Variants in ELP4 observed in about 807,000 individuals in gnomAD.
ELP4 encodes the protein elongator acetyltransferase complex subunit 4, also known as elongator complex protein 4.
A neutral mutation model predicts 48.9 loss-of-function variants in ELP4; 51 were observed. That is an observed-to-expected ratio of 1.04 (90% CI 0.83 to 1.32). The LOEUF (loss-of-function observed/expected upper bound fraction) is 1.32, where lower values mean the gene tolerates loss of function less well. Ranked by LOEUF, ELP4 falls within the 40% of genes most tolerant of loss-of-function variation. The pLI is 0.00. For missense variants in ELP4, 519 were observed against 514.6 expected (o/e 1.01, Z -0.08); for synonymous variants, 210 against 189.2 (o/e 1.11, Z -0.90).
chr11:31,700,599 A>G (rs1306037681), intron 9 of ELP4, among the ~76,000 whole-genome samples: 2 of 152,136 alleles, frequency 1.3e-5, no homozygotes, highest in Non-Finnish European at 2.9e-5. Context: ...AGGAAGTAAC[A>G]GAACCAAGAT....
At chr11:31,716,302 C>T (rs1429709516) in intron 9 of ELP4, among the ~76,000 whole-genome samples, 6 of 152,110 alleles carry the variant, frequency 3.9e-5, no homozygotes, top group East Asian at 1.9e-4. Context: ...CACAAGCCAC[C>T]GTGCTCTGCC....
At chr11:31,719,606 A>C in intron 9 of ELP4, 1 of 397,188 alleles carries the variant, frequency 2.5e-6, no homozygotes, top group Admixed American at 4.4e-5. Context: ...CAGAAGAAAA[A>C]AATGTTCTAT....
At chr11:31,701,670 C>A (rs1946525139) in intron 9 of ELP4, among the ~76,000 whole-genome samples, 1 of 150,104 alleles carries the variant, frequency 6.7e-6, no homozygotes, top group African/African-American at 2.4e-5. Flanking sequence ...TTAACTTAAG[C>A]CCTATATATA....
chr11:31,763,497 G>A, intron 9 of ELP4: 3 of 1,611,130 alleles, frequency 1.9e-6, no homozygotes, highest in Non-Finnish European at 2.5e-6. Flanking sequence ...ACTCTGCATG[G>A]GGAGAAGGTT....
chr11:31,638,247 T>C (rs905483199), intron 7 of ELP4, among the ~76,000 whole-genome samples: 8 of 151,898 alleles, frequency 5.3e-5, no homozygotes, highest in African/African-American at 1.9e-4. Flanking sequence ...GTCAGTATGT[T>C]TTTTTCATTG....
chr11:31,678,288 A>C (rs951482205), intron 9 of ELP4, among the ~76,000 whole-genome samples: 37 of 152,080 alleles, frequency 2.4e-4, no homozygotes, highest in South Asian at 2.1e-4. Flanking sequence ...TCTCTGCAAA[A>C]AATTTTAAAA....
intron 9 of ELP4, chr11:31,662,445 ATGT>A (rs971356502): frequency 2.2e-4 from 86 of 390,644 alleles, no homozygotes; most frequent in Non-Finnish European, 2.7e-4. Context: ...ATCCAGCTCC[ATGT>A]TGTTGTTGTT....
chr11:31,591,422 A>AG (rs35637930), intron 3 of ELP4, among the ~76,000 whole-genome samples: 12 of 76,558 alleles, frequency 1.6e-4, no homozygotes, highest in African/African-American at 7.1e-4. Context: ...AAAAAAAAAA[A>AG]GGGGGGGGGG....
intron 7 of ELP4, among the ~76,000 whole-genome samples, chr11:31,639,639 T>C (rs1017394432): frequency 2.0e-5 from 3 of 151,880 alleles, no homozygotes; most frequent in Non-Finnish European, 4.4e-5. Context: ...CATAGTAGTA[T>C]ATGTATAACT....
intron 9 of ELP4, chr11:31,707,102 T>C (rs1946649957): frequency 2.5e-6 from 1 of 397,638 alleles, no homozygotes; most frequent in African/African-American, 2.1e-5. Flanking sequence ...TTCCCAGTAG[T>C]GGGATTGCTG....
chr11:31,668,705 T>TGTGG (rs1945735574), intron 9 of ELP4, among the ~76,000 whole-genome samples: 1 of 143,084 alleles, frequency 7.0e-6, no homozygotes, highest in African/African-American at 2.7e-5. Context: ...TGTGTGTGTG[T>TGTGG]GTGTGTGTGT....
chr11:31,646,593 AT>A (rs1177829976), intron 7 of ELP4: 1 of 151,766 alleles, frequency 6.6e-6, no homozygotes, highest in Non-Finnish European at 1.5e-5. Context: ...CTTTTATTAT[AT>A]TTGACCTCTT....
intron 2 of ELP4, among the ~76,000 whole-genome samples, chr11:31,538,750 A>G (rs1956546618): frequency 6.6e-6 from 1 of 152,042 alleles, no homozygotes; most frequent in Non-Finnish European, 1.5e-5. Context: ...TTATTTTCAT[A>G]TATTTTCACG....
At chr11:31,586,245 A>C (rs534484344) in intron 3 of ELP4, among the ~76,000 whole-genome samples, 4 of 152,216 alleles carry the variant, frequency 2.6e-5, no homozygotes, top group Non-Finnish European at 5.9e-5. Flanking sequence ...CATATACCTA[A>C]CATTTATATC....
chr11:31,782,803 A>G (rs890317450), intron 9 of ELP4, among the ~76,000 whole-genome samples: 6 of 152,208 alleles, frequency 3.9e-5, no homozygotes, highest in African/African-American at 7.2e-5. Flanking sequence ...TTACCTGAAC[A>G]TATGAAAAAA....
At chr11:31,675,550 C>T (rs1009053769) in intron 9 of ELP4, among the ~76,000 whole-genome samples, 13 of 152,068 alleles carry the variant, frequency 8.5e-5, no homozygotes, top group Non-Finnish European at 1.3e-4. Flanking sequence ...TGTGAGCCAC[C>T]GCGCCCAGCT....
intron 3 of ELP4, among the ~76,000 whole-genome samples, chr11:31,545,708 G>A (rs552915599): frequency 6.6e-6 from 1 of 152,198 alleles, no homozygotes; most frequent in Non-Finnish European, 1.5e-5. Context: ...TGAAATGAAG[G>A]AAAAAATGTT....
At chr11:31,532,840 C>T (rs1219286659) in intron 2 of ELP4, among the ~76,000 whole-genome samples, 19 of 137,194 alleles carry the variant, frequency 1.4e-4, no homozygotes, top group Admixed American at 7.0e-4. Flanking sequence ...GGTGTGATCT[C>T]GGCTCATTGT....
chr11:31,715,092 T>C, intron 9 of ELP4: 3 of 312,060 alleles, frequency 9.6e-6, no homozygotes, highest in Non-Finnish European at 1.7e-5. Flanking sequence ...AACCACTTCG[T>C]TGGCTCAGAT....
Sources: allele counts gnomAD v4.1 joint callset (sites outside exome capture counted in the v4.1 genomes callset), GRCh38; gene constraint gnomAD v4.1.1; transcripts MANE v1.5; gene names NCBI Gene and HGNC (gene_info 2026-07-23, HGNC 2026-07-21).